Variants in TRPM8 observed in about 807,000 individuals in gnomAD.
The protein encoded by TRPM8 is TRPM8 cationic channel.
In TRPM8, 110 loss-of-function variants were observed where a neutral mutation model predicts 133.7. The ratio of observed to expected loss-of-function variants is 0.82; its 90% CI spans 0.70 to 0.96. TRPM8 has a LOEUF of 0.96. TRPM8 is among the 40% of genes least tolerant of loss of function. TRPM8 has a pLI of 0.00. For synonymous variants in TRPM8, 535 were observed against 532.3 expected (o/e 1.01, Z -0.07); for missense variants, 1,291 against 1,379.5 (o/e 0.94, Z 1.02).
Position 234,017,521 on chromosome 2 carries a change from C to T in TRPM8, c.*265C>T, listed in dbSNP as rs536099237. On this transcript the variant is annotated 3_prime_UTR_variant, in exon 26 of 26. Coordinates refer to ENST00000324695, the MANE Select transcript of TRPM8 (RefSeq NM_024080.5). ...GCCTGTTTCTCTCTGTGTCTCAATG[C>T]CTGGGACTGGAGGTTGATAGTTTAA... 1.6e-5 allele frequency: 6 copies of T among 368,200 alleles called. No homozygotes were observed. The highest frequency in any genetic ancestry group is 1.3e-4 in the African/African-American group (6 of 46,998). 22.8% of individuals were successfully genotyped at this position (368,200 alleles called of 1,614,324 possible). A position where few individuals can be genotyped will look rare whatever the true frequency, so the allele number is the denominator to read the frequency against.
chr2:233,971,223 G>T (rs28902189), intron 17 of TRPM8, among the ~76,000 whole-genome samples: 2 of 152,090 alleles, frequency 1.3e-5, no homozygotes, highest in Non-Finnish European at 2.9e-5. Flanking sequence ...GTACAATGCC[G>T]TGTGCTATGA....
intron 10 of TRPM8, among the ~76,000 whole-genome samples, chr2:233,954,837 T>C (rs903809851): frequency 6.6e-6 from 1 of 152,202 alleles, no homozygotes; most frequent in Non-Finnish European, 1.5e-5. Flanking sequence ...AATATAATAC[T>C]ATGGAATCTG....
intron 25 of TRPM8, among the ~76,000 whole-genome samples, chr2:234,016,438 G>A (rs1013546404): frequency 7.9e-5 from 12 of 152,154 alleles, no homozygotes; most frequent in African/African-American, 2.9e-4. Context: ...CAATCAGCTA[G>A]GTATGCTCTG....
At chr2:233,971,259 T>C (rs1273838152) in intron 17 of TRPM8, among the ~76,000 whole-genome samples, 5 of 152,246 alleles carry the variant, frequency 3.3e-5, no homozygotes, top group Non-Finnish European at 5.9e-5. Context: ...CAAAGAGTGC[T>C]GTTCTTGCCC....
At position 233,983,110 on chromosome 2, in the gene TRPM8, G is replaced by A. The variant is rs571650551; in HGVS notation, c.2647G>A (p.Val883Met). Residue 883 changes from valine to methionine, a missense_variant, in exon 20 of 26, where the codon GTG becomes ATG. By Grantham distance (21) the Val-to-Met change is conservative. Around this residue, in one of 2 missense-constraint regions of TRPM8, gnomAD observed 328 missense variants for 410.6 expected, o/e 0.80. Transcript: ENST00000324695. ...TGCGGTGTGGATGGTGGCCTTTGGC[G>A]TGGCCAGGCAAGGGATCCTTAGGCA... ...LFAVWMVAFG[V>M]ARQGILRQNE... is the part of the protein sequence containing the mutation. 43 of 1,614,156 alleles carry A rather than the reference G, an allele frequency of 2.7e-5. No homozygotes were observed. The highest frequency in any genetic ancestry group is 4.4e-5 in the South Asian group (4 of 91,070).
intron 17 of TRPM8, among the ~76,000 whole-genome samples, chr2:233,973,311 G>A (rs892264826): frequency 1.3e-5 from 2 of 152,232 alleles, no homozygotes; most frequent in African/African-American, 4.8e-5. Flanking sequence ...GAGGCCAGAA[G>A]TCTGAGATCA....
At position 233,937,307 on chromosome 2, in the gene TRPM8, G is replaced by C; in HGVS notation, c.192-46G>C. ...TAACAATACCAGTTTCCATAAGCAG[G>C]CTCAATGAAATCCTTCCTTCCTGTC... On this transcript the variant is annotated intron_variant, in intron 3 of 25. Transcript: ENST00000324695. The C allele has an allele frequency of 1.9e-6, 3 of 1,605,492 alleles. No homozygotes were observed. The South Asian group carries it at 3.4e-5, about 18-fold the overall frequency.
chr2:234,011,330 T>C (rs1158844834), intron 24 of TRPM8, among the ~76,000 whole-genome samples: 1 of 152,212 alleles, frequency 6.6e-6, no homozygotes, highest in African/African-American at 2.4e-5. Flanking sequence ...AGTCTGTTTT[T>C]ATGTCAGTAC....
chr2:233,927,794 T>C (rs1264149833), intron 2 of TRPM8, among the ~76,000 whole-genome samples: 4 of 44,140 alleles, frequency 9.1e-5, no homozygotes, highest in Non-Finnish European at 1.4e-4. Flanking sequence ...TTCTTTCTTT[T>C]CTTTCCTTCC....
chr2:233,942,956 T>C, intron 6 of TRPM8: 1 of 614,954 alleles, frequency 1.6e-6, no homozygotes, highest in African/African-American at 1.8e-5. Context: ...ACAATGAATG[T>C]TTTGTTCATT....
At chr2:233,976,284 C>T (rs1298521994) in intron 17 of TRPM8, among the ~76,000 whole-genome samples, 1 of 152,166 alleles carries the variant, frequency 6.6e-6, no homozygotes, top group Non-Finnish European at 1.5e-5. Flanking sequence ...ACAGTAAAAT[C>T]CGAAGTCTGT....
chr2:233,973,673 A>T (rs1691791053), intron 17 of TRPM8, among the ~76,000 whole-genome samples: 1 of 152,222 alleles, frequency 6.6e-6, no homozygotes, highest in African/African-American at 2.4e-5. Context: ...TTTAACCTGT[A>T]ACACCTAAAA....
At chr2:233,938,292 C>G (rs970214637) in intron 4 of TRPM8, among the ~76,000 whole-genome samples, 1 of 152,264 alleles carries the variant, frequency 6.6e-6, no homozygotes, top group African/African-American at 2.4e-5. Context: ...AGGTTCTCCA[C>G]CTCGCCTGTG....
At position 234,018,859 on chromosome 2, in the gene TRPM8, A is replaced by AATAAATAC. The variant is rs1693023559; in HGVS notation, c.*1610_*1611insCATAAATA. The stretch of plus-strand genomic sequence containing the variant: ...GACTCCGACTGAAAATAAATAAATA[A>AATAAATAC]ATAAATAAATAAATAAATAAATATT... On this transcript the variant is annotated 3_prime_UTR_variant, in exon 26 of 26. Transcript: ENST00000324695. 3 of 151,182 alleles carry AATAAATAC rather than the reference A, an allele frequency of 2.0e-5. No individual in the cohort carries two copies. The highest frequency in any genetic ancestry group is 7.3e-5 in the African/African-American group (3 of 41,306). The allele number at this position is 151,182 out of a possible 1,614,324, so 9.4% of individuals were successfully genotyped here.
Position 234,018,352 on chromosome 2 carries a change from CT to C in TRPM8, c.*1099del, listed in dbSNP as rs1693008518. On this transcript the variant is annotated 3_prime_UTR_variant, in exon 26 of 26. Coordinates refer to ENST00000324695, the MANE Select transcript of TRPM8 (RefSeq NM_024080.5). ...TCCAGTTGATCATTGGGATGAGCAT[CT>C]TTGTGCATGAATCCTATTGCTGTAT... is the stretch of plus-strand genomic sequence containing the variant. 6.6e-6 allele frequency: 1 copy of C among 151,880 alleles called. No individual in the cohort carries two copies. The highest frequency in any genetic ancestry group is 1.5e-5 in the Non-Finnish European group (1 of 67,984). The allele number at this position is 151,880 out of a possible 1,614,324, so 9.4% of individuals were successfully genotyped here.
intron 3 of TRPM8, among the ~76,000 whole-genome samples, chr2:233,932,750 A>T (rs1268290723): frequency 2.0e-5 from 3 of 151,966 alleles, no homozygotes; most frequent in Admixed American, 6.6e-5. Context: ...GTATGCAAGG[A>T]TGCAGGATTC....
intron 4 of TRPM8, among the ~76,000 whole-genome samples, chr2:233,938,006 G>C (rs547737567): frequency 6.6e-6 from 1 of 152,252 alleles, no homozygotes; most frequent in East Asian, 1.9e-4. Flanking sequence ...GTTCCTGCAG[G>C]GCCTGGGCCT....
In TRPM8 at chr2:234,011,589, A is replaced by G. The variant is rs549521450; in HGVS notation, c.3265-2973A>G. Among the ~76,000 whole-genome samples the G allele has an allele frequency of 1.6e-4, 25 of 152,274 alleles. No individual in the cohort carries two copies. In the South Asian group the frequency reaches 4.4e-3, roughly 27 times the overall value. On this transcript the variant is annotated intron_variant, in intron 24 of 25. Coordinates refer to ENST00000324695, the MANE Select transcript of TRPM8 (RefSeq NM_024080.5). ...TTGGCAATATTCATTTTTTCAATCC[A>G]TGAACATGGGATGTTTTTCCATTTA...
chr2:233,967,398 G>A lies in TRPM8; in HGVS notation c.2025+643G>A, dbSNP rs28902183. ...GGGTGTGAGAAGGGGAGGGGAAAAG[G>A]AAGAGATGGAGAGACCAACGCTTGT... is the stretch of plus-strand genomic sequence containing the variant. On this transcript the variant is annotated intron_variant, in intron 15 of 25. Transcript: ENST00000324695. 2.4e-3 allele frequency among the ~76,000 whole-genome samples: 371 copies of A among 152,312 alleles called. 4 individuals carry two copies. Among genetic ancestry groups the A allele is most frequent in the African/African-American group, 8.8e-3 (365 of 41,562 alleles).
Sources: gnomAD v4.1 joint callset for allele counts (sites outside exome capture counted in the v4.1 genomes callset) on GRCh38, gnomAD v4.1.1 for gene constraint, gnomAD v4.1.1 regional missense constraint, MANE v1.5 for transcripts, NCBI Gene and HGNC (gene_info 2026-07-23, HGNC 2026-07-21) for gene names.